The following CDKL1 variants were observed in gnomAD, a reference collection of about 807,000 sequenced individuals.
The protein encoded by CDKL1 is cyclin dependent kinase like 1.
A neutral mutation model predicts 42.0 loss-of-function variants in CDKL1; 41 were observed. That is an observed-to-expected ratio of 0.98 (90% CI 0.76 to 1.27). CDKL1 has a LOEUF of 1.27. Among genes scored for constraint, CDKL1 ranks in the 50% most tolerant of loss-of-function variants. The probability of loss-of-function intolerance (pLI) is 0.00; values close to 1 mark genes in which losing one functional copy is unlikely to be tolerated. For synonymous variants in CDKL1, 153 were observed against 158.6 expected (o/e 0.96, Z 0.26); for missense variants, 394 against 428.4 (o/e 0.92, Z 0.71).
chr14:50,343,159 T>TTTTG lies in CDKL1; in HGVS notation c.364-938_364-937insCAAA, dbSNP rs2033612113. On this transcript the variant is annotated intron_variant, in intron 4 of 9. Coordinates refer to ENST00000395834, the MANE Select transcript of CDKL1 (RefSeq NM_004196.7). Reference sequence around the variant, plus strand: ...CAACAACCTAATTAAGAGTTACTTTTTTTTTTTTTTTTTTTGAGTTGGGTC... The same window carrying TTTTG: ...CAACAACCTAATTAAGAGTTACTTTTTTTGTTTTTTTTTTTTTTTGAGTTGGGTC... The TTTTG allele has an allele frequency of 3.5e-5, 17 of 481,220 alleles. No individual in the cohort carries two copies. The South Asian group carries it at 3.9e-4, about 11-fold the overall frequency. The allele number at this position is 481,220 out of a possible 1,614,324, so 29.8% of individuals were successfully genotyped here.
In CDKL1 at chr14:50,395,788, A is replaced by C; in HGVS notation, c.81T>G (p.Gly27=). 1 of 1,613,604 alleles carries C rather than the reference A, an allele frequency of 6.2e-7. No homozygotes were observed. ...VVFKCRNRDT[G]QIVAIKKFLE... is the part of the protein sequence containing the mutation. ...GAAACTTCTTGATGGCCACAATCTG[A>C]CCCGTGTCCCTGTTTCTACATTTGA... Residue 27 remains glycine, a synonymous_variant, in exon 2 of 10, where the codon GGT becomes GGG. Coordinates refer to ENST00000395834, the MANE Select transcript of CDKL1 (RefSeq NM_004196.7).
intron 4 of CDKL1, among the ~76,000 whole-genome samples, chr14:50,344,636 A>AT (rs201210115): frequency 0.011 from 1,621 of 149,988 alleles, 20 homozygotes; most frequent in Non-Finnish European, 0.017. Context: ...CACCCAGTTC[A>AT]TTTTTTTTTA....
At position 50,332,437 on chromosome 14, in the gene CDKL1, AAG is replaced by A. The variant is rs111322153; in HGVS notation, c.796-7_796-6del. 197 of 1,588,886 alleles carry A rather than the reference AAG, an allele frequency of 1.2e-4. No homozygotes were observed. The African/African-American group carries it at 2.2e-3, about 17-fold the overall frequency. Reference sequence around the variant, plus strand: ...AGGGTCCATGTGGAGACAGCCCTAAAAGAACAGAAAATTCCTTCTTCTTACTT... The same window carrying A: ...AGGGTCCATGTGGAGACAGCCCTAAAAACAGAAAATTCCTTCTTCTTACTT... On this transcript the variant is annotated splice_region_variant and splice_polypyrimidine_tract_variant and intron_variant, in intron 8 of 9. Transcript: ENST00000395834.
chr14:50,371,712 G>A (rs1170077674), intron 2 of CDKL1, among the ~76,000 whole-genome samples: 1 of 152,240 alleles, frequency 6.6e-6, no homozygotes, highest in African/African-American at 2.4e-5. Flanking sequence ...TCAGGTTGGA[G>A]GGGCAGGAGC....
intron 2 of CDKL1, among the ~76,000 whole-genome samples, chr14:50,381,065 T>A (rs2034893016): frequency 6.6e-6 from 1 of 152,190 alleles, no homozygotes; most frequent in South Asian, 2.1e-4. Flanking sequence ...GGAGGCAGCA[T>A]GTACAGCCCT....
chr14:50,344,160 A>G (rs2033648390), intron 4 of CDKL1, among the ~76,000 whole-genome samples: 1 of 152,216 alleles, frequency 6.6e-6, no homozygotes, highest in African/African-American at 2.4e-5. Flanking sequence ...CCTGGGCAAT[A>G]GTCTACTATG....
intron 7 of CDKL1, among the ~76,000 whole-genome samples, chr14:50,337,685 T>TC (rs1315686266): frequency 6.7e-6 from 1 of 149,846 alleles, no homozygotes; most frequent in East Asian, 1.9e-4. Flanking sequence ...TTCTTTCTTT[T>TC]TTTTTTTTTT....
chr14:50,332,375 G>C lies in CDKL1; in HGVS notation c.853C>G (p.Pro285Ala), dbSNP rs764669334. 6.2e-7 allele frequency: 1 copy of C among 1,614,152 alleles called. No homozygotes were observed. The highest frequency in any genetic ancestry group is 8.5e-7 in the Non-Finnish European group (1 of 1,180,032). ...ATTTCTCTGATGTTTTCAAAATATGGGTGATGCAACAGCTGTTCACATGTC... is the reference window on the plus strand; with the variant it reads ...ATTTCTCTGATGTTTTCAAAATATGCGTGATGCAACAGCTGTTCACATGTC... ...RLTCEQLLHH[P>A]YFENIREIED... Residue 285 changes from proline to alanine, a missense_variant, in exon 9 of 10, where the codon CCA becomes GCA. Pro to Ala is a conservative substitution (Grantham distance 27). Transcript: ENST00000395834.
intron 6 of CDKL1, 98 bp downstream of exon 6, chr14:50,340,934 T>C: frequency 3.9e-6 from 5 of 1,293,980 alleles, no homozygotes; most frequent in Non-Finnish European, 5.3e-6. Context: ...AACTAATGCC[T>C]TAAAGGGCAT....
At chr14:50,371,116 G>A (rs779462554) in intron 2 of CDKL1, among the ~76,000 whole-genome samples, 2 of 152,064 alleles carry the variant, frequency 1.3e-5, no homozygotes, top group African/African-American at 2.4e-5. Context: ...GTACTGTATT[G>A]TGTATATATA....
At chr14:50,392,847 A>G (rs2035298259) in intron 2 of CDKL1, among the ~76,000 whole-genome samples, 1 of 152,142 alleles carries the variant, frequency 6.6e-6, no homozygotes, top group Non-Finnish European at 1.5e-5. Context: ...TCTCTATCAC[A>G]GTGAACAATC....
rs764291672 is a variant in CDKL1 at position 50,334,607 on chromosome 14, T to A, written c.753A>T (p.Leu251Phe). The A allele has an allele frequency of 6.3e-7, 1 of 1,598,894 alleles. No homozygotes were observed. Among genetic ancestry groups the A allele is most frequent in the Non-Finnish European group, 8.6e-7 (1 of 1,166,102 alleles). The change falls in exon 8 of 10, where the codon TTA becomes TTT. Residue 251 changes from leucine (L) to phenylalanine (F), a missense_variant. Leu to Phe is a conservative substitution (Grantham distance 22). Transcript: ENST00000395834. ...PDPEDMEPLE[L>F]KFPNISYPAL... is the part of the protein sequence containing the mutation. ...CAGGATAAGAGATGTTTGGGAATTT[T>A]AATTCAAGTGGTTCCTGTTGAAAAG...
chr14:50,334,693 T>C, intron 7 of CDKL1, 72 bp from the exon 8 acceptor site: 5 of 969,602 alleles, frequency 5.2e-6, no homozygotes, highest in Non-Finnish European at 8.4e-6. Flanking sequence ...TTAAATCTTT[T>C]GATAGAAACA....
rs1330098390 is a variant in CDKL1, at chr14:50,327,080, C to G, written c.*2994G>C. On this transcript the variant is annotated 3_prime_UTR_variant, in exon 10 of 10. Coordinates refer to ENST00000395834, the MANE Select transcript of CDKL1 (RefSeq NM_004196.7). ...AAAAAGGGCTGGCCTGTAATCCCAG[C>G]ACTTTTGAAGGCCAAGGCAGGCAGA... 1 of 152,022 alleles carries G rather than the reference C, an allele frequency of 6.6e-6. No individual in the cohort carries two copies. Among genetic ancestry groups the G allele is most frequent in the Non-Finnish European group, 1.5e-5 (1 of 68,058 alleles). 9.4% of individuals were successfully genotyped at this position (152,022 alleles called of 1,614,324 possible).
At chr14:50,393,298 C>A (rs560126865) in intron 2 of CDKL1, among the ~76,000 whole-genome samples, 1 of 152,334 alleles carries the variant, frequency 6.6e-6, no homozygotes, top group African/African-American at 2.4e-5. Context: ...AGCCAAAGGG[C>A]AATTCAACTT....
chr14:50,390,283 T>C (rs1171147167), intron 2 of CDKL1: 1 of 1,366,404 alleles, frequency 7.3e-7, no homozygotes, highest in South Asian at 1.1e-5. Context: ...CCACCTGCCA[T>C]AGGTAGAACG....
chr14:50,344,977 G>A lies in CDKL1; in HGVS notation c.363+9C>T. The A allele has an allele frequency of 1.2e-6, 2 of 1,610,382 alleles. No individual in the cohort carries two copies. The highest frequency in any genetic ancestry group is 1.7e-6 in the Non-Finnish European group (2 of 1,176,858). On this transcript the variant is annotated intron_variant, in intron 4 of 9. Coordinates refer to ENST00000395834, the MANE Select transcript of CDKL1 (RefSeq NM_004196.7). Reference sequence around the variant, plus strand: ...CTTGTTGCTTTTCAAAAGAGATCATGAGACTTACATTGTGTTTATGGCAAA... The same window carrying A: ...CTTGTTGCTTTTCAAAAGAGATCATAAGACTTACATTGTGTTTATGGCAAA...
At chr14:50,368,980 C>T (rs1386009818) in intron 2 of CDKL1, among the ~76,000 whole-genome samples, 2 of 151,602 alleles carry the variant, frequency 1.3e-5, no homozygotes, top group Non-Finnish European at 2.9e-5. Context: ...GATTCTCATG[C>T]CTCAGCCTCC....
intron 3 of CDKL1, among the ~76,000 whole-genome samples, chr14:50,348,337 T>C (rs933456484): frequency 3.3e-5 from 5 of 152,106 alleles, no homozygotes; most frequent in Admixed American, 2.6e-4. Context: ...CATTTGCCCA[T>C]AGGGAAACAC....
Sources: allele counts gnomAD v4.1 joint callset (sites outside exome capture counted in the v4.1 genomes callset), GRCh38; gene constraint gnomAD v4.1.1; transcripts MANE v1.5; gene names NCBI Gene and HGNC (gene_info 2026-07-23, HGNC 2026-07-21).